Variants in CAMK4 observed in about 807,000 individuals in gnomAD.
The protein encoded by CAMK4 is calcium/calmodulin-dependent protein kinase type IV.
Under a neutral mutation model 44.9 loss-of-function variants are expected in CAMK4, and 22 were observed. That is an observed-to-expected ratio of 0.49 (90% CI 0.35 to 0.70). The LOEUF is 0.70. Among genes scored for constraint, CAMK4 ranks in the 30% least tolerant of loss-of-function variants. The pLI, the probability that CAMK4 is intolerant of heterozygous loss-of-function variation, is 0.01. For synonymous variants in CAMK4, 218 were observed against 215.4 expected, an observed-to-expected ratio of 1.01 and a Z score of -0.11; for missense variants, 498 against 586.8, an observed-to-expected ratio of 0.85 and a Z score of 1.56.
At chr5:111,472,259 T>C (rs1312100775) in intron 7 of CAMK4, among the ~76,000 whole-genome samples, 1 of 152,160 alleles carries the variant, frequency 6.6e-6, no homozygotes, top group Non-Finnish European at 1.5e-5. Context: ...CAGAGAATCC[T>C]GTTTACTTGC....
At chr5:111,246,288 C>A (rs1192522707) in intron 1 of CAMK4, among the ~76,000 whole-genome samples, 2 of 152,154 alleles carry the variant, frequency 1.3e-5, no homozygotes, top group Admixed American at 1.3e-4. Context: ...TCTGTCTACC[C>A]CCAAGAAGGG....
intron 1 of CAMK4, among the ~76,000 whole-genome samples, chr5:111,266,761 T>C (rs906686669): frequency 3.9e-5 from 6 of 152,242 alleles, no homozygotes; most frequent in Non-Finnish European, 7.3e-5. Context: ...ATTGGCCCTA[T>C]GCCATAGCTC....
At chr5:111,288,457 C>T (rs2112619613) in intron 1 of CAMK4, among the ~76,000 whole-genome samples, 1 of 152,302 alleles carries the variant, frequency 6.6e-6, no homozygotes, top group East Asian at 1.9e-4. Flanking sequence ...TACCTCACAT[C>T]TTTGCCATAT....
At chr5:111,267,792 T>G (rs1032108808) in intron 1 of CAMK4, among the ~76,000 whole-genome samples, 64 of 149,646 alleles carry the variant, frequency 4.3e-4, no homozygotes, top group African/African-American at 1.5e-3. Flanking sequence ...ACAAACACAA[T>G]AGCTCAGATT....
intron 4 of CAMK4, among the ~76,000 whole-genome samples, chr5:111,387,394 G>T (rs1751642043): frequency 6.6e-6 from 1 of 152,080 alleles, no homozygotes; most frequent in African/African-American, 2.4e-5. Flanking sequence ...CCCATTTTAA[G>T]GAATTTAAAT....
intron 2 of CAMK4, among the ~76,000 whole-genome samples, chr5:111,360,995 A>G (rs1008719987): frequency 1.1e-4 from 16 of 152,180 alleles, no homozygotes; most frequent in African/African-American, 3.6e-4. Flanking sequence ...TTTTCTGGTC[A>G]TGAATAACTC....
chr5:111,231,318 A>G (rs536503190), intron 1 of CAMK4, among the ~76,000 whole-genome samples: 1 of 152,292 alleles, frequency 6.6e-6, no homozygotes, highest in Admixed American at 6.5e-5. Context: ...GGGTTTCTCA[A>G]TCTAGGCACT....
At chr5:111,238,508 CG>C (rs1389154327) in intron 1 of CAMK4, among the ~76,000 whole-genome samples, 17 of 151,820 alleles carry the variant, frequency 1.1e-4, no homozygotes, top group Non-Finnish European at 8.8e-5. Flanking sequence ...CACTGGCACC[CG>C]ATTGCAGACT....
intron 1 of CAMK4, among the ~76,000 whole-genome samples, chr5:111,238,968 T>C (rs1423463280): frequency 6.6e-6 from 1 of 151,792 alleles, no homozygotes; most frequent in African/African-American, 2.4e-5. Context: ...TGTGCATCCG[T>C]ACCTGTTGGC....
At position 111,277,158 on chromosome 5, in the gene CAMK4, A is replaced by C. The variant is rs955073779; in HGVS notation, c.161+52514A>C. Reference sequence around the variant, plus strand: ...CATGGATGATAAATTTTGAGAAATTAGATTTTACAGACAGAACGCATGAAG... The same window carrying C: ...CATGGATGATAAATTTTGAGAAATTCGATTTTACAGACAGAACGCATGAAG... On this transcript the variant is annotated intron_variant, in intron 1 of 10. Transcript: ENST00000282356. Among the ~76,000 whole-genome samples the C allele has an allele frequency of 2.2e-4, 34 of 152,244 alleles. 1 individual carries two copies. The highest frequency in any genetic ancestry group is 8.2e-4 in the African/African-American group (34 of 41,470).
chr5:111,377,217 G>A (rs554836570), intron 4 of CAMK4, among the ~76,000 whole-genome samples: 87 of 152,124 alleles, frequency 5.7e-4, no homozygotes, highest in Non-Finnish European at 1.1e-3. Context: ...AAGATAGAAT[G>A]TCTAAAATCA....
intron 7 of CAMK4, among the ~76,000 whole-genome samples, chr5:111,454,385 C>A (rs571325449): frequency 1.3e-5 from 2 of 152,108 alleles, no homozygotes; most frequent in South Asian, 2.1e-4. Context: ...TTCATAGAAC[C>A]CTTGCCCCAG....
chr5:111,373,323 C>T (rs1751082432), intron 2 of CAMK4, among the ~76,000 whole-genome samples: 1 of 152,056 alleles, frequency 6.6e-6, no homozygotes, highest in African/African-American at 2.4e-5. Context: ...AACATTTTTC[C>T]ATCTCATAAA....
At position 111,449,116 on chromosome 5, in the gene CAMK4, C is replaced by T. The variant is rs1279299118; in HGVS notation, c.551-13C>T. On this transcript the variant is annotated splice_polypyrimidine_tract_variant and intron_variant, in intron 6 of 10. Coordinates refer to ENST00000282356, the MANE Select transcript of CAMK4 (RefSeq NM_001744.6). The stretch of plus-strand genomic sequence containing the variant: ...AAGACGTGCTTCATTAAATTTTTTT[C>T]TTGTGTTATTAGCTGATTTTGGACT... 1.5e-6 allele frequency: 2 copies of T among 1,306,642 alleles called. No individual in the cohort carries two copies. The highest frequency in any genetic ancestry group is 2.3e-5 in the East Asian group (1 of 43,118). 80.9% of individuals were successfully genotyped at this position (1,306,642 alleles called of 1,614,324 possible). A position where few individuals can be genotyped will look rare whatever the true frequency, so the allele number is the denominator to read the frequency against.
At chr5:111,376,998 A>G (rs560148576) in intron 4 of CAMK4, 56 bp downstream of exon 4, 1 of 1,078,542 alleles carries the variant, frequency 9.3e-7, no homozygotes, top group Non-Finnish European at 1.4e-6. Context: ...CCACCAAAAA[A>G]TAATCTAAAG....
chr5:111,265,789 G>A (rs1750214693), intron 1 of CAMK4: 1 of 152,234 alleles, frequency 6.6e-6, no homozygotes, highest in South Asian at 2.1e-4. Flanking sequence ...ACAGAAGTGA[G>A]ATGAATAGGA....
chr5:111,334,981 G>A (rs748568802), intron 1 of CAMK4, among the ~76,000 whole-genome samples: 7 of 151,182 alleles, frequency 4.6e-5, no homozygotes, highest in Non-Finnish European at 8.9e-5. Context: ...AATAGCTTAC[G>A]TGACCTAATA....
At chr5:111,403,331 A>T (rs773107862) in intron 5 of CAMK4, among the ~76,000 whole-genome samples, 2 of 152,188 alleles carry the variant, frequency 1.3e-5, no homozygotes, top group Non-Finnish European at 2.9e-5. Flanking sequence ...CAAGTACGTA[A>T]TGAAAGGTTA....
intron 1 of CAMK4, among the ~76,000 whole-genome samples, chr5:111,260,052 T>C (rs1364163325): frequency 6.6e-6 from 1 of 152,206 alleles, no homozygotes; most frequent in East Asian, 1.9e-4. Flanking sequence ...TCTTTTAATG[T>C]CATAAATAAT....
Sources: allele counts gnomAD v4.1 joint callset (sites outside exome capture counted in the v4.1 genomes callset), GRCh38; gene constraint gnomAD v4.1.1; transcripts MANE v1.5; gene names NCBI Gene and HGNC (gene_info 2026-07-23, HGNC 2026-07-21).